Variants in ZNF723 observed in about 807,000 individuals in gnomAD.
ZNF723 encodes zinc finger protein 723, also known as zinc finger protein 723, pseudogene.
Under a neutral mutation model 9.4 loss-of-function variants are expected in ZNF723, and 5 were observed. The ratio of observed to expected loss-of-function variants is 0.53; its 90% CI spans 0.28 to 1.12. The LOEUF (loss-of-function observed/expected upper bound fraction) is 1.12. Among genes scored for constraint, ZNF723 ranks in the 50% most tolerant of loss-of-function variants. The probability of loss-of-function intolerance (pLI) is 0.10; values close to 1 mark genes in which losing one functional copy is unlikely to be tolerated. For missense variants in ZNF723, 450 were observed against 501.5 expected (o/e 0.90, Z 0.98); for synonymous variants, 158 against 168.8 (o/e 0.94, Z 0.49).
Position 22,858,329 on chromosome 19 carries a change from C to T in ZNF723, c.1438C>T (p.Pro480Ser). The change falls in exon 4 of 4, where the codon CCT (proline) becomes TCT (serine). Residue 480 changes from proline (P) to serine (S), a missense_variant. By Grantham distance (74) the Pro-to-Ser change is moderately conservative. Around this residue, in one of 5 missense-constraint regions of ZNF723, gnomAD observed 43 missense variants for 22.2 expected, o/e 1.94. Transcript: ENST00000600766. ...KHKIIHAREKPYKCEECGKAF... is the reference protein window; with the variant it reads ...KHKIIHAREKSYKCEECGKAF... ...TAAGATAATTCATGCTAGAGAGAAGCCTTACAAATGTGAAGAATGTGGCAA... is the reference window on the plus strand; with the variant it reads ...TAAGATAATTCATGCTAGAGAGAAGTCTTACAAATGTGAAGAATGTGGCAA... The T allele has an allele frequency of 9.0e-7, 1 of 1,109,058 alleles. No individual in the cohort carries two copies. The highest frequency in any genetic ancestry group is 1.8e-5 in the Admixed American group (1 of 54,058). 68.7% of individuals were successfully genotyped at this position (1,109,058 alleles called of 1,614,324 possible). A position where few individuals can be genotyped will look rare whatever the true frequency, so the allele number is the denominator to read the frequency against.
upstream of ZNF723, among the ~76,000 whole-genome samples, chr19:22,828,457 A>G (rs1043877117): frequency 1.6e-4 from 25 of 152,144 alleles, no homozygotes; most frequent in African/African-American, 6.0e-4. Context: ...GATGGAGACC[A>G]TCATGGCCAA....
At chr19:22,849,534 GTC>G (rs1265763151) in intron 3 of ZNF723, among the ~76,000 whole-genome samples, 11 of 152,162 alleles carry the variant, frequency 7.2e-5, no homozygotes, top group Non-Finnish European at 1.3e-4. Context: ...GACAGCCAAA[GTC>G]TTCTTCATGG....
chr19:22,851,746 CTTGTT>C (rs1967398350), intron 3 of ZNF723, among the ~76,000 whole-genome samples: 1 of 148,152 alleles, frequency 6.7e-6, no homozygotes, highest in South Asian at 2.2e-4. Context: ...TTATTTTTGT[CTTGTT>C]TTTGAAGTAA....
At chr19:22,822,391 A>G in the ZNF723 span, among the ~76,000 whole-genome samples, 1 of 152,208 alleles carries the variant, frequency 6.6e-6, no homozygotes, top group Non-Finnish European at 1.5e-5. Flanking sequence ...TAGTTGCATT[A>G]CCTGGACCTA....
chr19:22,822,211 C>T, the ZNF723 span, among the ~76,000 whole-genome samples: 20 of 152,322 alleles, frequency 1.3e-4, no homozygotes, highest in African/African-American at 4.1e-4. Context: ...ACAGGCATAC[C>T]AAGCCAACAA....
intron 3 of ZNF723, 141 bp downstream of exon 3, chr19:22,849,434 A>C: frequency 2.3e-6 from 1 of 425,538 alleles, no homozygotes; most frequent in Non-Finnish European, 4.3e-6. Flanking sequence ...AAAAAATTTT[A>C]CTCTCACATA....
chr19:22,831,579 C>T (rs549976515), upstream of ZNF723, among the ~76,000 whole-genome samples: 5 of 150,684 alleles, frequency 3.3e-5, no homozygotes, highest in Admixed American at 6.6e-5. Context: ...TTAAAATTCA[C>T]ATGTGGCTCA....
intron 3 of ZNF723, among the ~76,000 whole-genome samples, chr19:22,852,738 C>G (rs1020795797): frequency 6.6e-6 from 1 of 152,046 alleles, no homozygotes; most frequent in Non-Finnish European, 1.5e-5. Flanking sequence ...ATGGTATTGA[C>G]AATGCTATGC....
chr19:22,815,352 C>T, the ZNF723 span, among the ~76,000 whole-genome samples: 242 of 152,158 alleles, frequency 1.6e-3, 1 homozygote, highest in Non-Finnish European at 2.9e-3. Context: ...ATCACTGGAC[C>T]CAGGCACCAG....
the ZNF723 span, among the ~76,000 whole-genome samples, chr19:22,813,945 GGGACTACA>G: frequency 6.6e-6 from 1 of 151,588 alleles, no homozygotes; most frequent in African/African-American, 2.4e-5. Flanking sequence ...CCGAGTAGCT[GGGACTACA>G]GGCGTGTGCC....
At chr19:22,848,205 C>T in intron 1 of ZNF723, 56 bp from the exon 2 acceptor site, 2 of 616,884 alleles carry the variant, frequency 3.2e-6, no homozygotes, top group Non-Finnish European at 5.4e-6. Flanking sequence ...ATTAAAAATT[C>T]TGCCGTTGGC....
chr19:22,856,835 T>C (rs1333160473), intron 3 of ZNF723, among the ~76,000 whole-genome samples: 1 of 152,172 alleles, frequency 6.6e-6, no homozygotes, highest in Non-Finnish European at 1.5e-5. Context: ...CTTTGCTATA[T>C]TGGGGAGCAG....
chr19:22,842,001 TTTTGTTGTTGTTGTTG>T (rs1247450540), intron 1 of ZNF723, among the ~76,000 whole-genome samples: 1 of 149,184 alleles, frequency 6.7e-6, no homozygotes, highest in Non-Finnish European at 1.5e-5. Flanking sequence ...TTGAACTATG[TTTTGTTGTTGTTGTTG>T]TTGTTTTGAG....
At chr19:22,852,021 T>C (rs1216780734) in intron 3 of ZNF723, among the ~76,000 whole-genome samples, 4 of 152,156 alleles carry the variant, frequency 2.6e-5, no homozygotes, top group African/African-American at 9.6e-5. Context: ...ACTCCCAACC[T>C]CAGGTGATCT....
chr19:22,858,334 C>T lies in ZNF723; in HGVS notation c.1443C>T (p.Tyr481=). 1 of 1,092,948 alleles carries T rather than the reference C, an allele frequency of 9.1e-7. No homozygotes were observed. Among genetic ancestry groups the T allele is most frequent in the African/African-American group, 1.5e-5 (1 of 64,632 alleles). 67.7% of individuals were successfully genotyped at this position (1,092,948 alleles called of 1,614,324 possible). A position where few individuals can be genotyped will look rare whatever the true frequency, so the allele number is the denominator to read the frequency against. ...HKIIHAREKP[Y]KCEECGKAFN... is the part of the protein sequence containing the mutation. ...TAATTCATGCTAGAGAGAAGCCTTA[C>T]AAATGTGAAGAATGTGGCAAAGCCT... The change falls in exon 4 of 4, where the codon TAC becomes TAT. Residue 481 remains tyrosine, a synonymous_variant. Transcript: ENST00000600766.
chr19:22,847,947 A>G (rs1288566117), intron 1 of ZNF723, among the ~76,000 whole-genome samples: 1 of 151,896 alleles, frequency 6.6e-6, no homozygotes, highest in African/African-American at 2.4e-5. Context: ...CTAAAAATAC[A>G]AAAATTAGCT....
At chr19:22,830,413 T>C (rs191401490), upstream of ZNF723, among the ~76,000 whole-genome samples, 1 of 152,264 alleles carries the variant, frequency 6.6e-6, no homozygotes, top group Admixed American at 6.5e-5. Context: ...AGTGATTCTT[T>C]CAACTCAGCC....
At chr19:22,829,189 A>T (rs1967067312), upstream of ZNF723, among the ~76,000 whole-genome samples, 1 of 151,274 alleles carries the variant, frequency 6.6e-6, no homozygotes, top group South Asian at 2.1e-4. Context: ...AAACAAACAA[A>T]CAAACATAAT....
chr19:22,829,576 C>T (rs751627639), upstream of ZNF723, among the ~76,000 whole-genome samples: 4 of 152,110 alleles, frequency 2.6e-5, no homozygotes, highest in African/African-American at 7.2e-5. Flanking sequence ...TGAACAACCA[C>T]GCCCGGCCAA....
Sources: allele counts gnomAD v4.1 joint callset (sites outside exome capture counted in the v4.1 genomes callset), GRCh38; gene constraint gnomAD v4.1.1; regional missense constraint gnomAD v4.1.1; transcripts MANE v1.5; gene names NCBI Gene and HGNC (gene_info 2026-07-23, HGNC 2026-07-21).